Variants in PPP1R16B observed in about 807,000 individuals in gnomAD.
PPP1R16B encodes the protein protein phosphatase 1 regulatory inhibitor subunit 16B.
Under a neutral mutation model 61.7 loss-of-function variants are expected in PPP1R16B, and 14 were observed. The ratio of observed to expected loss-of-function variants is 0.23; its 90% confidence interval spans 0.15 to 0.35. The LOEUF (loss-of-function observed/expected upper bound fraction) is 0.35, where lower values mean the gene tolerates loss of function less well. PPP1R16B is among the 10% of genes least tolerant of loss of function. PPP1R16B has a pLI of 1.00. For missense variants in PPP1R16B, 547 were observed against 752.5 expected (o/e 0.73, Z 3.19); for synonymous variants, 266 against 305.3 (o/e 0.87, Z 1.34).
In PPP1R16B at chr20:38,907,974, G is replaced by T; in HGVS notation, c.1028+39G>T. 6.2e-7 allele frequency: 1 copy of T among 1,613,922 alleles called. No homozygotes were observed. Among genetic ancestry groups the T allele is most frequent in the Non-Finnish European group, 8.5e-7 (1 of 1,179,882 alleles). On this transcript the variant is annotated intron_variant, in intron 9 of 10. Coordinates refer to ENST00000299824, the MANE Select transcript of PPP1R16B (RefSeq NM_015568.4). The surrounding 1 kb of genome is among the most constrained non-coding windows in gnomAD (Gnocchi z 4.5). ...AGGGCAGCCAGGAGTCCCTGTGTGT[G>T]CTCCTGCCTGTGGTGCCTGGGTGCA...
intron 2 of PPP1R16B, among the ~76,000 whole-genome samples, chr20:38,840,273 G>C (rs1042044007): frequency 6.6e-6 from 1 of 152,144 alleles, no homozygotes; most frequent in African/African-American, 2.4e-5. Flanking sequence ...TGGGGTGGCA[G>C]CTCCCCCACT....
At chr20:38,885,468 C>T (rs547468328) in intron 2 of PPP1R16B, among the ~76,000 whole-genome samples, 4 of 152,334 alleles carry the variant, frequency 2.6e-5, no homozygotes, top group Admixed American at 2.6e-4. Context: ...CCATTACCCT[C>T]GTCCCCAAAT....
chr20:38,870,337 G>A (rs2145744089), intron 2 of PPP1R16B, among the ~76,000 whole-genome samples: 1 of 152,230 alleles, frequency 6.6e-6, no homozygotes, highest in South Asian at 2.1e-4. Flanking sequence ...AACTATAGGG[G>A]GAAACTACAA....
Position 38,918,305 on chromosome 20 carries a change from A to T in PPP1R16B, c.1343A>T (p.His448Leu). The T allele has an allele frequency of 2.5e-6, 4 of 1,614,214 alleles. No individual in the cohort carries two copies. Among genetic ancestry groups the T allele is most frequent in the Non-Finnish European group, 3.4e-6 (4 of 1,180,054 alleles). Residue 448 changes from histidine to leucine, a missense_variant, in exon 11 of 11, where the codon CAT becomes CTT. Physicochemically the swap from His to Leu is moderately conservative, Grantham distance 99. Coordinates refer to ENST00000299824, the MANE Select transcript of PPP1R16B (RefSeq NM_015568.4). This position sits in a 1 kb window ranked among gnomAD's most constrained non-coding sequence, Gnocchi z 5.3. ...ALANGDVWKV[H>L]EVPDYSMAYG... ...GCCAACGGGGATGTCTGGAAGGTGCATGAGGTGCCTGACTACAGCATGGCC... is the reference window on the plus strand; with the variant it reads ...GCCAACGGGGATGTCTGGAAGGTGCTTGAGGTGCCTGACTACAGCATGGCC...
intron 2 of PPP1R16B, among the ~76,000 whole-genome samples, chr20:38,872,238 G>A (rs2145745687): frequency 6.6e-6 from 1 of 152,318 alleles, no homozygotes; most frequent in East Asian, 1.9e-4. Context: ...CCTGCACTGG[G>A]TGTGACGGCT....
chr20:38,922,542 C>T lies in PPP1R16B; in HGVS notation c.*3876C>T, dbSNP rs117511255. On this transcript the variant is annotated 3_prime_UTR_variant, in exon 11 of 11. Transcript: ENST00000299824. ...CCTGTGCCAGAAGCTATAGCCCTCTCCCCAACAGGTCTCTCTTGTTGGCCA... is the reference window on the plus strand; with the variant it reads ...CCTGTGCCAGAAGCTATAGCCCTCTTCCCAACAGGTCTCTCTTGTTGGCCA... 3,262 of 152,722 alleles carry T rather than the reference C, an allele frequency of 0.021. 48 individuals carry two copies. Among genetic ancestry groups the T allele is most frequent in the Middle Eastern group, 0.051 (15 of 294 alleles). 9.5% of individuals were successfully genotyped at this position (152,722 alleles called of 1,614,324 possible). A position where few individuals can be genotyped will look rare whatever the true frequency, so the allele number is the denominator to read the frequency against.
chr20:38,812,879 A>G (rs1568650284), intron 1 of PPP1R16B, among the ~76,000 whole-genome samples: 2 of 152,172 alleles, frequency 1.3e-5, no homozygotes, highest in Admixed American at 1.3e-4. Flanking sequence ...GCGTATCCAC[A>G]AACTTGCATA....
intron 10 of PPP1R16B, among the ~76,000 whole-genome samples, chr20:38,916,823 C>T (rs368302709): frequency 1.2e-4 from 18 of 152,134 alleles, no homozygotes; most frequent in African/African-American, 3.1e-4. Context: ...TAATAACACA[C>T]TTTAAACGTA....
intron 1 of PPP1R16B, among the ~76,000 whole-genome samples, chr20:38,819,326 T>A (rs1272846684): frequency 6.6e-6 from 1 of 151,968 alleles, no homozygotes; most frequent in East Asian, 1.9e-4. Context: ...ATGCAGTGAG[T>A]GTTCAGTAAA....
intron 2 of PPP1R16B, among the ~76,000 whole-genome samples, chr20:38,852,278 T>C (rs945952840): frequency 6.6e-6 from 1 of 152,238 alleles, no homozygotes; most frequent in Non-Finnish European, 1.5e-5. Context: ...CTTCTGATTA[T>C]AATTTGGCGT....
intron 1 of PPP1R16B, among the ~76,000 whole-genome samples, chr20:38,835,018 C>T (rs1296319129): frequency 2.0e-5 from 3 of 152,162 alleles, no homozygotes; most frequent in Admixed American, 6.5e-5. Context: ...ACTGTATACT[C>T]ATAAGATAAT....
At chr20:38,857,893 C>G (rs1234431578) in intron 2 of PPP1R16B, among the ~76,000 whole-genome samples, 2 of 152,072 alleles carry the variant, frequency 1.3e-5, no homozygotes, top group African/African-American at 4.8e-5. Flanking sequence ...CACTAGGACA[C>G]TATCTTATCT....
At chr20:38,832,372 G>A (rs2084842842) in intron 1 of PPP1R16B, among the ~76,000 whole-genome samples, 1 of 152,190 alleles carries the variant, frequency 6.6e-6, no homozygotes, top group Non-Finnish European at 1.5e-5. Context: ...TCGAGGAAGT[G>A]GAGTGAAATA....
intron 10 of PPP1R16B, among the ~76,000 whole-genome samples, 200 bp from the exon 11 acceptor site, chr20:38,917,957 T>A (rs1277004341): frequency 6.6e-6 from 1 of 152,218 alleles, no homozygotes; most frequent in Non-Finnish European, 1.5e-5. Context: ...ATCCAGGCCC[T>A]GGAGCAAGGC....
At chr20:38,854,349 T>C (rs897178727) in intron 2 of PPP1R16B, among the ~76,000 whole-genome samples, 2 of 152,254 alleles carry the variant, frequency 1.3e-5, no homozygotes, top group East Asian at 1.9e-4. Flanking sequence ...GACACAACAG[T>C]GATTTATGTG....
chr20:38,896,014 C>T (rs1424096036), intron 4 of PPP1R16B, among the ~76,000 whole-genome samples: 3 of 133,774 alleles, frequency 2.2e-5, no homozygotes, highest in Non-Finnish European at 3.1e-5. Flanking sequence ...TTCCCCCCTT[C>T]CTTCTTTCTT....
chr20:38,896,848 A>G (rs2085353398), intron 4 of PPP1R16B, among the ~76,000 whole-genome samples: 1 of 152,176 alleles, frequency 6.6e-6, no homozygotes, highest in Admixed American at 6.5e-5. Flanking sequence ...AGCACTTTAT[A>G]GAAGTGGATT....
chr20:38,910,709 A>G (rs2145782649), intron 10 of PPP1R16B, among the ~76,000 whole-genome samples: 1 of 152,096 alleles, frequency 6.6e-6, no homozygotes, highest in East Asian at 1.9e-4. Context: ...AATTAAAAAA[A>G]ATTTTTGGCT....
chr20:38,839,391 G>GT (rs894660383), intron 2 of PPP1R16B, among the ~76,000 whole-genome samples: 3 of 152,152 alleles, frequency 2.0e-5, no homozygotes, highest in African/African-American at 7.2e-5. Context: ...AGACTTTAAT[G>GT]TTTTTCAGAA....
Sources: gnomAD v4.1 joint callset for allele counts (sites outside exome capture counted in the v4.1 genomes callset) on GRCh38, gnomAD v4.1.1 for gene constraint, Gnocchi (gnomAD v3.1) non-coding constraint, MANE v1.5 for transcripts, NCBI Gene and HGNC (gene_info 2026-07-23, HGNC 2026-07-21) for gene names.